NLRP6: variants seen among roughly 807,000 people sequenced by gnomAD.
NLRP6 encodes the protein NACHT, LRR and PYD domains-containing protein 6.
A neutral mutation model predicts 70.9 loss-of-function variants in NLRP6; 55 were observed. That is an observed-to-expected ratio of 0.78 (90% CI 0.62 to 0.97). NLRP6 has a LOEUF of 0.97. Ranked by LOEUF, NLRP6 falls within the 50% of genes least tolerant of loss-of-function variation. NLRP6 has a pLI of 0.00. For synonymous variants in NLRP6, 652 were observed against 581.9 expected (o/e 1.12, Z -1.73); for missense variants, 1,241 against 1,238.3 (o/e 1.00, Z -0.03).
chr11:280,684 TGCC>T lies in NLRP6; in HGVS notation c.951_953del (p.Pro318del). 6.4e-7 allele frequency: 1 copy of T among 1,558,216 alleles called. No homozygotes were observed. The highest frequency in any genetic ancestry group is 8.6e-7 in the Non-Finnish European group (1 of 1,157,542). ...GGCGGGCTGCTGAGCAAGGCGCTGC[TGCC>T]CACGGCCCTCCTGCTGGTGACCACG... On this transcript the variant is annotated inframe_deletion, in exon 4 of 8. Transcript: ENST00000534750.
Position 281,812 on chromosome 11 carries a change from G to A in NLRP6, c.2078G>A (p.Arg693Gln), listed in dbSNP as rs199475810. 13 of 1,589,886 alleles carry A rather than the reference G, an allele frequency of 8.2e-6. 1 individual carries two copies. The highest frequency in any genetic ancestry group is 6.6e-5 in the South Asian group (6 of 90,290). The change falls in exon 4 of 8, where the codon CGG becomes CAG. Residue 693 changes from arginine to glutamine, a missense_variant. Physicochemically the swap from Arg to Gln is conservative, Grantham distance 43 (BLOSUM62 1). Coordinates refer to ENST00000534750, the MANE Select transcript of NLRP6 (RefSeq NM_001276700.2). ...QEKKKKSLGKRLQASLGGGSS... is the reference protein window; with the variant it reads ...QEKKKKSLGKQLQASLGGGSS... ...AAGAAGAAGAAGAGCCTGGGGAAGC[G>A]GCTCCAGGCCAGCCTGGGTGGCGGC...
Position 279,376 on chromosome 11 carries a change from G to A in NLRP6, c.79G>A (p.Glu27Lys). The stretch of plus-strand genomic sequence containing the variant: ...CCGCGAGCTGCTCCTGGCTGCGCTG[G>A]AGGAACTGAGCCAAGAGCAGCTGAA... The part of the protein sequence containing the change: ...VARELLLAAL[E>K]ELSQEQLKRF... The change falls in exon 2 of 8, where the codon GAG (glutamate) becomes AAG (lysine). Residue 27 changes from glutamate to lysine, a missense_variant. Transcript: ENST00000534750. The A allele has an allele frequency of 2.3e-6, 3 of 1,322,184 alleles. No individual in the cohort carries two copies. The highest frequency in any genetic ancestry group is 1.9e-6 in the Non-Finnish European group (2 of 1,036,576). The allele number at this position is 1,322,184 out of a possible 1,614,324, so 81.9% of individuals were successfully genotyped here.
At position 281,232 on chromosome 11, in the gene NLRP6, C is replaced by G; in HGVS notation, c.1498C>G (p.Gln500Glu). The G allele has an allele frequency of 3.1e-6, 5 of 1,613,212 alleles. No homozygotes were observed. Among genetic ancestry groups the G allele is most frequent in the Non-Finnish European group, 4.2e-6 (5 of 1,179,946 alleles). Reference protein sequence around the residue: ...ETEVTYQFIDQSFQEFLAALS... With the variant: ...ETEVTYQFIDESFQEFLAALS... ...AGAGGTCACCTACCAGTTCATCGAC[C>G]AGAGCTTCCAGGAGTTCCTCGCGGC... Residue 500 changes from glutamine (Q) to glutamate (E), a missense_variant, in exon 4 of 8, where the codon CAG (glutamine) becomes GAG (glutamate). By Grantham distance (29) the Gln-to-Glu change is conservative. Transcript: ENST00000534750.
intron 5 of NLRP6, among the ~76,000 whole-genome samples, chr11:283,560 G>A (rs1246003190): frequency 6.6e-6 from 1 of 152,044 alleles, no homozygotes; most frequent in African/African-American, 2.4e-5. Flanking sequence ...TGATCCACCC[G>A]CCTCTGCCTC....
rs1157194828 is a variant in NLRP6 at position 279,871 on chromosome 11, C to G, written c.348C>G (p.Ser116=). ...GCTCCGGGACGCTGCTCTCCGTGTC[C>G]GGTGGGTCTCTCGCTGGGGGGGCAC... The part of the protein sequence containing the change: ...GLGSGTLLSV[S]EYKKKYREHV... The change falls in exon 3 of 8, where the codon TCC becomes TCG. Residue 116 remains serine (S), a splice_region_variant and synonymous_variant. Transcript: ENST00000534750. The G allele has an allele frequency of 1.0e-5, 16 of 1,544,780 alleles. No individual in the cohort carries two copies. The highest frequency in any genetic ancestry group is 1.3e-5 in the Non-Finnish European group (15 of 1,149,710).
chr11:280,460 G>A lies in NLRP6; in HGVS notation c.726G>A (p.Glu242=). ...AFFMPCGELL[E]RPGTRSLADL... ...TCATGCCCTGCGGCGAGCTGCTGGA[G>A]AGGCCGGGCACGCGCAGCCTGGCTG... is the stretch of plus-strand genomic sequence containing the variant. Residue 242 remains glutamate (E), a synonymous_variant, in exon 4 of 8, where the codon GAG becomes GAA. Coordinates refer to ENST00000534750, the MANE Select transcript of NLRP6 (RefSeq NM_001276700.2). The A allele has an allele frequency of 6.3e-7, 1 of 1,592,940 alleles. No individual in the cohort carries two copies. Among genetic ancestry groups the A allele is most frequent in the Non-Finnish European group, 8.5e-7 (1 of 1,177,848 alleles).
At position 278,641 on chromosome 11, in the gene NLRP6, T is replaced by C; in HGVS notation, c.29+43T>C. 6.5e-7 allele frequency: 1 copy of C among 1,539,480 alleles called. No individual in the cohort carries two copies. Among genetic ancestry groups the C allele is most frequent in the Admixed American group, 2.0e-5 (1 of 50,370 alleles). ...GGTGGTCACTGGGAACCGGCTGGTC[T>C]CAGCCCTCTGGGGCCTCCACCTCAC... On this transcript the variant is annotated intron_variant, in intron 1 of 7. Coordinates refer to ENST00000534750, the MANE Select transcript of NLRP6 (RefSeq NM_001276700.2). The surrounding 1 kb of genome is among the most constrained non-coding windows in gnomAD (Gnocchi z 4.7).
intron 5 of NLRP6, among the ~76,000 whole-genome samples, chr11:283,744 G>A (rs1256166778): frequency 2.0e-5 from 3 of 152,144 alleles, no homozygotes; most frequent in Admixed American, 6.5e-5. Flanking sequence ...ATGGCAACTC[G>A]GCAAATTAGC....
rs2134008784 is a variant in NLRP6, at chr11:281,534, C to T, written c.1800C>T (p.Leu600=). Residue 600 remains leucine, a synonymous_variant, in exon 4 of 8, where the codon CTC becomes CTT. Transcript: ENST00000534750. ...AGGTGACCGAGGGGGCCAAAGGGCT[C>T]GAGGACACCGAAGAGCCAGAGGAGG... is the stretch of plus-strand genomic sequence containing the variant. The part of the protein sequence containing the change: ...APEVTEGAKG[L]EDTEEPEEEE... 2.5e-6 allele frequency: 4 copies of T among 1,609,770 alleles called. No homozygotes were observed. Among genetic ancestry groups the T allele is most frequent in the East Asian group, 2.2e-5 (1 of 44,834 alleles).
rs1341419020 is a variant in NLRP6 at position 281,850 on chromosome 11, A to G, written c.2105+11A>G. Reference sequence around the variant, plus strand: ...CCTGGGTGGCGGCAGGTGCGTCTCCAGGGCAGAGATACTCTCTTGTGTGTG... The same window carrying G: ...CCTGGGTGGCGGCAGGTGCGTCTCCGGGGCAGAGATACTCTCTTGTGTGTG... On this transcript the variant is annotated intron_variant, in intron 4 of 7. Transcript: ENST00000534750. 7 of 1,559,394 alleles carry G rather than the reference A, an allele frequency of 4.5e-6. No homozygotes were observed. Among genetic ancestry groups the G allele is most frequent in the South Asian group, 1.2e-5 (1 of 85,132 alleles).
Position 284,420 on chromosome 11 carries a change from G to T in NLRP6, c.2369+20G>T. The T allele has an allele frequency of 6.2e-7, 1 of 1,600,212 alleles. No homozygotes were observed. On this transcript the variant is annotated intron_variant, in intron 6 of 7. Coordinates refer to ENST00000534750, the MANE Select transcript of NLRP6 (RefSeq NM_001276700.2). ...GGTCAGGTGAGGCCTGGCCTGGGAGGGACCGTGGGATGCCCCCGCCACCCC... is the reference window on the plus strand; with the variant it reads ...GGTCAGGTGAGGCCTGGCCTGGGAGTGACCGTGGGATGCCCCCGCCACCCC...
Position 279,610 on chromosome 11 carries a change from G to C in NLRP6, c.310+3G>C, listed in dbSNP as rs1045209748. On this transcript the variant is annotated splice_donor_region_variant and intron_variant, in intron 2 of 7. Transcript: ENST00000534750. ...GCTCCAGGAGCGGCGGCTGCAGCGT[G>C]AGTTCTGCGCGGGAGGTCCCTCCTG... is the stretch of plus-strand genomic sequence containing the variant. The C allele has an allele frequency of 1.4e-6, 2 of 1,397,958 alleles. No homozygotes were observed. Among genetic ancestry groups the C allele is most frequent in the Non-Finnish European group, 9.3e-7 (1 of 1,080,976 alleles). The allele number at this position is 1,397,958 out of a possible 1,614,324, so 86.6% of individuals were successfully genotyped here.
Position 282,768 on chromosome 11 carries a change from T to C in NLRP6, c.2169T>C (p.Thr723=), listed in dbSNP as rs147979733. 124 of 1,613,862 alleles carry C rather than the reference T, an allele frequency of 7.7e-5. No homozygotes were observed. The highest frequency in any genetic ancestry group is 9.9e-5 in the Non-Finnish European group (117 of 1,179,832). ...TTCATCCACTCTTTCAGGCAATGAC[T>C]GACCCACTGTGCCATCTGAGCAGCC... ...SLLHPLFQAM[T]DPLCHLSSLT... The change falls in exon 5 of 8, where the codon ACT becomes ACC. Residue 723 remains threonine (T), a synonymous_variant. Transcript: ENST00000534750.
chr11:280,973 G>T lies in NLRP6; in HGVS notation c.1239G>T (p.Lys413Asn). 2 of 1,613,220 alleles carry T rather than the reference G, an allele frequency of 1.2e-6. No individual in the cohort carries two copies. Among genetic ancestry groups the T allele is most frequent in the Middle Eastern group, 1.6e-4 (1 of 6,062 alleles). The change falls in exon 4 of 8, where the codon AAG (lysine) becomes AAT (asparagine). Residue 413 changes from lysine (K) to asparagine (N), a missense_variant. By Grantham distance (94) the Lys-to-Asn change is moderately conservative. Coordinates refer to ENST00000534750, the MANE Select transcript of NLRP6 (RefSeq NM_001276700.2). ...GTCGGGACCTGTCGCGCACGTCCAA[G>T]ACCACCACGTCAGTGTACCTGCTTT... ...ELGRDLSRTS[K>N]TTTSVYLLFI...
chr11:278,986 G>A lies in NLRP6; in HGVS notation c.30-341G>A, dbSNP rs937159807. ...GGGTTCCTTGGAAATACCTCCCTCG[G>A]GGCATGTGACCTGTCCTGGGGTGTG... On this transcript the variant is annotated intron_variant, in intron 1 of 7. Transcript: ENST00000534750. This position sits in a 1 kb window ranked among gnomAD's most constrained non-coding sequence, Gnocchi z 4.7. 1.1e-5 allele frequency: 4 copies of A among 351,624 alleles called. No homozygotes were observed. Among genetic ancestry groups the A allele is most frequent in the Non-Finnish European group, 2.0e-5 (4 of 195,578 alleles). 21.8% of individuals were successfully genotyped at this position (351,624 alleles called of 1,614,324 possible).
At chr11:283,541 C>T (rs1292768030) in intron 5 of NLRP6, among the ~76,000 whole-genome samples, 1 of 152,094 alleles carries the variant, frequency 6.6e-6, no homozygotes. Flanking sequence ...TCTCGATCTC[C>T]TGACCTCGTG....
In NLRP6 at chr11:280,078, G is replaced by T. The variant is rs891171417; in HGVS notation, c.350-6G>T. The T allele has an allele frequency of 1.4e-6, 2 of 1,475,668 alleles. No individual in the cohort carries two copies. 91.4% of individuals were successfully genotyped at this position (1,475,668 alleles called of 1,614,324 possible). On this transcript the variant is annotated splice_polypyrimidine_tract_variant and splice_region_variant and intron_variant, in intron 3 of 7. Coordinates refer to ENST00000534750, the MANE Select transcript of NLRP6 (RefSeq NM_001276700.2). ...TTGTCCCCGCGCTGTCTCCCGCTGCGCCCAGAGTACAAGAAGAAGTACCGG... is the reference window on the plus strand; with the variant it reads ...TTGTCCCCGCGCTGTCTCCCGCTGCTCCCAGAGTACAAGAAGAAGTACCGG...
chr11:280,721 C>A lies in NLRP6; in HGVS notation c.987C>A (p.Ala329=). The A allele has an allele frequency of 1.3e-6, 2 of 1,576,272 alleles. No individual in the cohort carries two copies. The highest frequency in any genetic ancestry group is 1.7e-6 in the Non-Finnish European group (2 of 1,162,282). Residue 329 remains alanine (A), a synonymous_variant, in exon 4 of 8, where the codon GCC becomes GCA. Coordinates refer to ENST00000534750, the MANE Select transcript of NLRP6 (RefSeq NM_001276700.2). ...TALLLVTTRA[A]APGRLQGRLC... ...TCCTGCTGGTGACCACGCGCGCCGC[C>A]GCCCCCGGGAGGCTGCAGGGCCGCC...
At position 285,045 on chromosome 11, in the gene NLRP6, G is replaced by A. The variant is rs116791880; in HGVS notation, c.2538-121G>A. Reference sequence around the variant, plus strand: ...ACAGCCCAGTCACTGCCCGCAGCCCGGCCACCCCCACGGCACTGCCCGTCA... The same window carrying A: ...ACAGCCCAGTCACTGCCCGCAGCCCAGCCACCCCCACGGCACTGCCCGTCA... On this transcript the variant is annotated intron_variant, in intron 7 of 7. Coordinates refer to ENST00000534750, the MANE Select transcript of NLRP6 (RefSeq NM_001276700.2). The A allele has an allele frequency of 4.0e-3, 3,196 of 800,256 alleles. 67 individuals carry two copies. The African/African-American group carries it at 0.047, about 12-fold the overall frequency. The allele number at this position is 800,256 out of a possible 1,614,324, so 49.6% of individuals were successfully genotyped here.
Sources: allele counts gnomAD v4.1 joint callset (sites outside exome capture counted in the v4.1 genomes callset), GRCh38; gene constraint gnomAD v4.1.1; non-coding constraint Gnocchi (gnomAD v3.1); transcripts MANE v1.5; gene names NCBI Gene and HGNC (gene_info 2026-07-23, HGNC 2026-07-21).